The following RALYL variants were observed in gnomAD, a reference collection of about 807,000 sequenced individuals.
RALYL encodes the protein RNA-binding Raly-like protein.
Under a neutral mutation model 35.1 loss-of-function variants are expected in RALYL, and 29 were observed. That is an observed-to-expected ratio of 0.83 (90% CI 0.61 to 1.13). RALYL has a LOEUF of 1.13. Among genes scored for constraint, RALYL ranks in the 50% most tolerant of loss-of-function variants. The pLI is 0.00. For synonymous variants in RALYL, 120 were observed against 127.6 expected (o/e 0.94, Z 0.40); for missense variants, 359 against 360.4 (o/e 1.00, Z 0.03).
At chr8:84,547,856 G>A (rs1055474335) in intron 2 of RALYL, among the ~76,000 whole-genome samples, 1 of 152,138 alleles carries the variant, frequency 6.6e-6, no homozygotes, top group Non-Finnish European at 1.5e-5. Flanking sequence ...CCTTACCCAG[G>A]TTTCCAGTGG....
intron 1 of RALYL, among the ~76,000 whole-genome samples, chr8:84,411,900 A>G (rs1037789019): frequency 3.3e-5 from 5 of 151,960 alleles, no homozygotes; most frequent in African/African-American, 1.2e-4. Flanking sequence ...AAGCTGTATG[A>G]CAATTGTCAA....
intron 8 of RALYL, among the ~76,000 whole-genome samples, chr8:84,910,965 A>G (rs1177033052): frequency 2.6e-5 from 4 of 152,104 alleles, no homozygotes; most frequent in Non-Finnish European, 5.9e-5. Context: ...TTTGATCTCC[A>G]TTATTTACTG....
intron 2 of RALYL, among the ~76,000 whole-genome samples, chr8:84,722,617 T>TTATATATATATATATATATA (rs71823678): frequency 4.3e-4 from 42 of 97,332 alleles, no homozygotes; most frequent in African/African-American, 1.8e-3. Flanking sequence ...TAGAGTGATT[T>TTATATATATATATATATATA]TATATATATA....
intron 2 of RALYL, among the ~76,000 whole-genome samples, chr8:84,621,437 G>A (rs1821436778): frequency 1.3e-5 from 2 of 152,168 alleles, no homozygotes; most frequent in Admixed American, 1.3e-4. Context: ...GTGAGGCAAT[G>A]CCTCACCCTG....
chr8:84,372,304 G>T (rs925160707), intron 1 of RALYL, among the ~76,000 whole-genome samples: 2 of 152,002 alleles, frequency 1.3e-5, no homozygotes, highest in Non-Finnish European at 2.9e-5. Flanking sequence ...ACTCTGGCAC[G>T]TGAGCGGCAC....
At chr8:84,763,651 A>G (rs1452094753) in intron 2 of RALYL, among the ~76,000 whole-genome samples, 1 of 152,182 alleles carries the variant, frequency 6.6e-6, no homozygotes, top group African/African-American at 2.4e-5. Context: ...TTGATAAAAT[A>G]TACCTCCTTC....
intron 4 of RALYL, among the ~76,000 whole-genome samples, chr8:84,817,009 G>T (rs1173895394): frequency 6.6e-6 from 1 of 152,070 alleles, no homozygotes; most frequent in East Asian, 1.9e-4. Flanking sequence ...CTCTATTGAA[G>T]CACTATGTGT....
chr8:84,227,987 A>G (rs1824356088), intron 1 of RALYL, among the ~76,000 whole-genome samples: 1 of 152,162 alleles, frequency 6.6e-6, no homozygotes, highest in East Asian at 1.9e-4. Flanking sequence ...CATGGCACAT[A>G]CAGAATGGTA....
intron 2 of RALYL, among the ~76,000 whole-genome samples, chr8:84,586,054 G>T (rs1482219965): frequency 1.3e-5 from 2 of 151,920 alleles, no homozygotes; most frequent in Non-Finnish European, 2.9e-5. Flanking sequence ...AATTAGCTGG[G>T]CGTGGTGGCA....
intron 2 of RALYL, among the ~76,000 whole-genome samples, chr8:84,600,043 T>C (rs1434163927): frequency 6.6e-6 from 1 of 151,998 alleles, no homozygotes; most frequent in Non-Finnish European, 1.5e-5. Context: ...GCCAGACTGA[T>C]CGGTAATATC....
chr8:84,365,172 G>T (rs1853962354), intron 1 of RALYL, among the ~76,000 whole-genome samples: 1 of 152,068 alleles, frequency 6.6e-6, no homozygotes, highest in South Asian at 2.1e-4. Flanking sequence ...TAAATTACTA[G>T]TCAGTTATGT....
intron 1 of RALYL, among the ~76,000 whole-genome samples, chr8:84,187,072 G>T (rs1395473316): frequency 6.6e-6 from 1 of 152,116 alleles, no homozygotes; most frequent in African/African-American, 2.4e-5. Context: ...TTTGTAATGA[G>T]AGAGGGTTTC....
chr8:84,757,334 A>T (rs1222116681), intron 2 of RALYL, among the ~76,000 whole-genome samples: 1 of 152,132 alleles, frequency 6.6e-6, no homozygotes, highest in Admixed American at 6.6e-5. Context: ...TTCCGATTTC[A>T]CAGAGAAAAT....
intron 1 of RALYL, among the ~76,000 whole-genome samples, chr8:84,498,818 A>G (rs1369299869): frequency 6.6e-6 from 1 of 152,160 alleles, no homozygotes; most frequent in Non-Finnish European, 1.5e-5. Context: ...AAATCATATG[A>G]TTAAATTTCC....
chr8:84,801,520 T>C (rs1823268269), intron 3 of RALYL, among the ~76,000 whole-genome samples: 1 of 152,172 alleles, frequency 6.6e-6, no homozygotes, highest in Admixed American at 6.5e-5. Flanking sequence ...TGATGATAAG[T>C]ATTACCTCAG....
At chr8:84,690,076 C>T (rs7840920) in intron 2 of RALYL, among the ~76,000 whole-genome samples, 29,455 of 151,990 alleles carry the variant, frequency 0.19, 3,099 homozygotes, top group Non-Finnish European at 0.23. Context: ...ATCATCACTC[C>T]TCTGTTCATT....
At chr8:84,735,664 C>T (rs890318452) in intron 2 of RALYL, among the ~76,000 whole-genome samples, 1 of 152,020 alleles carries the variant, frequency 6.6e-6, no homozygotes, top group Admixed American at 6.6e-5. Flanking sequence ...TCTATCTACC[C>T]TTTTTACTAG....
intron 1 of RALYL, among the ~76,000 whole-genome samples, chr8:84,309,401 GA>G (rs1229015217): frequency 1.3e-5 from 2 of 151,430 alleles, no homozygotes; most frequent in African/African-American, 2.4e-5. Context: ...ATAATGCACT[GA>G]AAAATATATT....
rs556901147 is a variant in RALYL at position 84,273,862 on chromosome 8, G to C, written c.-24+89438G>C. On this transcript the variant is annotated intron_variant, in intron 1 of 8. Coordinates refer to ENST00000521268, the MANE Select transcript of RALYL (RefSeq NM_173848.7). ...TACAGGGTTGCTTGAATAGCATTAA[G>C]AATCATGCTCCCGTGTAAATTGTTA... Among the ~76,000 whole-genome samples, 30 of 152,318 alleles carry C rather than the reference G, an allele frequency of 2.0e-4. No individual in the cohort carries two copies. In the South Asian group the frequency reaches 6.0e-3, roughly 31 times the overall value.
Sources: gnomAD v4.1 joint callset for allele counts (sites outside exome capture counted in the v4.1 genomes callset) on GRCh38, gnomAD v4.1.1 for gene constraint, MANE v1.5 for transcripts, NCBI Gene and HGNC (gene_info 2026-07-23, HGNC 2026-07-21) for gene names.